The following TMC2 variants were observed in gnomAD, a reference collection of about 807,000 sequenced individuals.
TMC2 encodes transmembrane channel like 2.
A neutral mutation model predicts 105.9 loss-of-function variants in TMC2; 102 were observed. That is an observed-to-expected ratio of 0.96 (90% confidence interval 0.82 to 1.14). The LOEUF (loss-of-function observed/expected upper bound fraction) is 1.14, where lower values mean the gene tolerates loss of function less well. Among genes scored for constraint, TMC2 ranks in the 50% most tolerant of loss-of-function variants. TMC2 has a pLI of 0.00. For synonymous variants in TMC2, 402 were observed against 422.8 expected (o/e 0.95, Z 0.60); for missense variants, 1,093 against 1,134.3 (o/e 0.96, Z 0.52).
intron 4 of TMC2, among the ~76,000 whole-genome samples, chr20:2,569,155 C>T (rs932758407): frequency 9.2e-5 from 14 of 152,262 alleles, no homozygotes; most frequent in South Asian, 2.1e-4. Flanking sequence ...TGCTGATTTC[C>T]GTGGTCTAAA....
At chr20:2,551,028 T>G (rs1304132830) in intron 2 of TMC2, among the ~76,000 whole-genome samples, 2 of 152,248 alleles carry the variant, frequency 1.3e-5, no homozygotes, top group Non-Finnish European at 2.9e-5. Flanking sequence ...GATTTTATGG[T>G]CAATCTATGT....
At chr20:2,539,583 A>G (rs2085874857) in intron 2 of TMC2, among the ~76,000 whole-genome samples, 1 of 152,082 alleles carries the variant, frequency 6.6e-6, no homozygotes, top group African/African-American at 2.4e-5. Context: ...ACCCCAGGGA[A>G]CCCTTCTCCA....
intron 16 of TMC2, among the ~76,000 whole-genome samples, chr20:2,620,720 C>T (rs1359377949): frequency 6.6e-6 from 1 of 152,132 alleles, no homozygotes; most frequent in Non-Finnish European, 1.5e-5. Flanking sequence ...TGCTATCCTT[C>T]AAGAAGAAGG....
At chr20:2,610,361 A>C in intron 11 of TMC2, 58 bp from the exon 12 acceptor site, 2 of 1,498,382 alleles carry the variant, frequency 1.3e-6, no homozygotes, top group South Asian at 1.3e-5. Context: ...GAGTGCAGAG[A>C]TGGCAGCCAA....
chr20:2,592,426 C>G lies in TMC2; in HGVS notation c.933+18C>G. 6.7e-7 allele frequency: 1 copy of G among 1,486,116 alleles called. No homozygotes were observed. Among genetic ancestry groups the G allele is most frequent in the South Asian group, 1.1e-5 (1 of 88,408 alleles). 92.1% of individuals were successfully genotyped at this position (1,486,116 alleles called of 1,614,324 possible). A position where few individuals can be genotyped will look rare whatever the true frequency, so the allele number is the denominator to read the frequency against. On this transcript the variant is annotated intron_variant, in intron 8 of 19. Transcript: ENST00000358864. This position sits in a 1 kb window ranked among gnomAD's most constrained non-coding sequence, Gnocchi z 4.9. Reference sequence around the variant, plus strand: ...ATTTTGAGGTACTATTGTCAACATGCCAATGAACTTCCATTTGTGATTATA... The same window carrying G: ...ATTTTGAGGTACTATTGTCAACATGGCAATGAACTTCCATTTGTGATTATA...
intron 5 of TMC2, among the ~76,000 whole-genome samples, chr20:2,574,417 C>A (rs981071077): frequency 6.6e-6 from 1 of 152,266 alleles, no homozygotes; most frequent in South Asian, 2.1e-4. Flanking sequence ...AAATGAATAG[C>A]GTTACCTCCT....
intron 8 of TMC2, among the ~76,000 whole-genome samples, chr20:2,593,850 T>C (rs1600118424): frequency 6.6e-6 from 1 of 152,170 alleles, no homozygotes; most frequent in East Asian, 1.9e-4. Flanking sequence ...CCAGTGTTCT[T>C]AATTGGGTTT....
intron 16 of TMC2, among the ~76,000 whole-genome samples, chr20:2,618,832 C>G (rs2086503820): frequency 6.6e-6 from 1 of 152,212 alleles, no homozygotes; most frequent in African/African-American, 2.4e-5. Context: ...ATGCACACTC[C>G]TTTGTTAAAG....
Position 2,576,913 on chromosome 20 carries a change from GTT to G in TMC2, c.646-2221_646-2220del, listed in dbSNP as rs71193977. Among the ~76,000 whole-genome samples the G allele has an allele frequency of 9.5e-3, 1,004 of 106,152 alleles. 7 individuals carry two copies. The highest frequency in any genetic ancestry group is 0.013 in the Non-Finnish European group (676 of 53,240). 69.6% of individuals were successfully genotyped at this position (106,152 alleles called of 152,430 possible). On this transcript the variant is annotated intron_variant, in intron 5 of 19. Transcript: ENST00000358864. ...GGTTTCTTCTTGGTTTTTTTTTTTT[GTT>G]TTTTTTTTTTTGAGATGGAGTCTCG...
intron 2 of TMC2, among the ~76,000 whole-genome samples, chr20:2,544,644 AC>A (rs2085912146): frequency 6.6e-6 from 1 of 152,104 alleles, no homozygotes; most frequent in African/African-American, 2.4e-5. Context: ...ACCACCACCC[AC>A]CCAATCTCAT....
intron 7 of TMC2, among the ~76,000 whole-genome samples, chr20:2,581,488 C>T (rs1309343802): frequency 6.6e-6 from 1 of 152,134 alleles, no homozygotes; most frequent in Non-Finnish European, 1.5e-5. Flanking sequence ...CACAAACACT[C>T]TTACACCAAG....
intron 17 of TMC2, among the ~76,000 whole-genome samples, chr20:2,630,483 C>T (rs578033650): frequency 6.6e-6 from 1 of 152,232 alleles, no homozygotes; most frequent in Admixed American, 6.5e-5. Flanking sequence ...TAATGTGTTT[C>T]CCATCCTTTT....
At chr20:2,560,055 A>G (rs2223883) in intron 3 of TMC2, among the ~76,000 whole-genome samples, 58,324 of 152,020 alleles carry the variant, frequency 0.38, 12,252 homozygotes, top group South Asian at 0.55. Flanking sequence ...AGCAATATGC[A>G]TGCAAGACAG....
Position 2,545,920 on chromosome 20 carries a change from T to TGAAAGAAAGAAAGAAAGAAA in TMC2, c.82+8605_82+8624dup, listed in dbSNP as rs755029898. ...AGAAAGAAAGAAAAAAAGAAAGAAA[T>TGAAAGAAAGAAAGAAAGAAA]GAAAGAAAGAAAGAAAGAAAAGAAA... On this transcript the variant is annotated intron_variant, in intron 2 of 19. Coordinates refer to ENST00000358864, the MANE Select transcript of TMC2 (RefSeq NM_080751.3). Among the ~76,000 whole-genome samples the TGAAAGAAAGAAAGAAAGAAA allele has an allele frequency of 4.4e-4, 58 of 130,938 alleles. 1 individual carries two copies. The highest frequency in any genetic ancestry group is 1.6e-3 in the African/African-American group (57 of 35,414). 85.9% of individuals were successfully genotyped at this position (130,938 alleles called of 152,430 possible). A position where few individuals can be genotyped will look rare whatever the true frequency, so the allele number is the denominator to read the frequency against.
At chr20:2,606,985 C>T (rs2086399010) in intron 11 of TMC2, among the ~76,000 whole-genome samples, 1 of 139,136 alleles carries the variant, frequency 7.2e-6, no homozygotes, top group South Asian at 2.3e-4. Context: ...ATTTTCTTAA[C>T]ATCTTTCAGT....
At chr20:2,540,358 G>A (rs968356914) in intron 2 of TMC2, among the ~76,000 whole-genome samples, 4 of 151,690 alleles carry the variant, frequency 2.6e-5, no homozygotes, top group Admixed American at 1.3e-4. Context: ...ATTTAAAACC[G>A]AGTCTCAAAG....
intron 17 of TMC2, among the ~76,000 whole-genome samples, chr20:2,635,413 A>AAGAGTACTCATGCAC (rs1402382277): frequency 2.0e-5 from 3 of 152,188 alleles, no homozygotes; most frequent in Non-Finnish European, 4.4e-5. Context: ...GTGGGCTGCA[A>AAGAGTACTCATGCAC]AGAGTACTCA....
At chr20:2,551,617 T>TTTTA (rs1384223815) in intron 2 of TMC2, among the ~76,000 whole-genome samples, 1 of 152,204 alleles carries the variant, frequency 6.6e-6, no homozygotes, top group Non-Finnish European at 1.5e-5. Context: ...TCTTTTACAG[T>TTTTA]TTTATAGCTT....
intron 11 of TMC2, among the ~76,000 whole-genome samples, chr20:2,608,052 A>C (rs886996568): frequency 1.3e-5 from 2 of 151,306 alleles, no homozygotes; most frequent in Non-Finnish European, 2.9e-5. Flanking sequence ...TGAATCCCAG[A>C]GGCGGAGGTT....
Sources: allele counts gnomAD v4.1 joint callset (sites outside exome capture counted in the v4.1 genomes callset), GRCh38; gene constraint gnomAD v4.1.1; non-coding constraint Gnocchi (gnomAD v3.1); transcripts MANE v1.5; gene names NCBI Gene and HGNC (gene_info 2026-07-23, HGNC 2026-07-21).